Variants in SPIRE1 observed in about 807,000 individuals in gnomAD.
SPIRE1 encodes the protein protein spire homolog 1.
Under a neutral mutation model 94.1 loss-of-function variants are expected in SPIRE1, and 40 were observed. The ratio of observed to expected loss-of-function variants is 0.43; its 90% CI spans 0.33 to 0.55. SPIRE1 has a LOEUF of 0.55. SPIRE1 is among the 20% of genes least tolerant of loss of function. SPIRE1 has a pLI of 0.06. For missense variants in SPIRE1, 838 were observed against 975.2 expected, an observed-to-expected ratio of 0.86 and a Z score of 1.87; for synonymous variants, 376 against 371.7, an observed-to-expected ratio of 1.01 and a Z score of -0.13.
At position 12,535,729 on chromosome 18, in the gene SPIRE1, G is replaced by A. The variant is rs574377240; in HGVS notation, c.604-128C>T. 2.7e-5 allele frequency: 19 copies of A among 705,804 alleles called. 1 individual carries two copies. In the South Asian group the frequency reaches 3.0e-4, roughly 11 times the overall value. 43.7% of individuals were successfully genotyped at this position (705,804 alleles called of 1,614,324 possible). ...CCCAGCACTTTGGGAGGCCAACGCA[G>A]GCAGATCATGAGGTCGAGAGTTCAA... On this transcript the variant is annotated intron_variant, in intron 3 of 16. Transcript: ENST00000409402.
chr18:12,447,699 T>G lies in SPIRE1; in HGVS notation c.*1939A>C, dbSNP rs1355161414. 3 of 152,206 alleles carry G rather than the reference T, an allele frequency of 2.0e-5. No individual in the cohort carries two copies. The highest frequency in any genetic ancestry group is 4.4e-5 in the Non-Finnish European group (3 of 68,034). The allele number at this position is 152,206 out of a possible 1,614,324, so 9.4% of individuals were successfully genotyped here. A position where few individuals can be genotyped will look rare whatever the true frequency, so the allele number is the denominator to read the frequency against. On this transcript the variant is annotated 3_prime_UTR_variant, in exon 17 of 17. Transcript: ENST00000409402. ...CTATCATAAAGTGAAGTGAAAGACATGTACTAGATGTTTGCTTTGTGAATG... is the reference window on the plus strand; with the variant it reads ...CTATCATAAAGTGAAGTGAAAGACAGGTACTAGATGTTTGCTTTGTGAATG...
intron 1 of SPIRE1, among the ~76,000 whole-genome samples, chr18:12,648,642 C>G (rs1344034841): frequency 6.6e-6 from 1 of 152,040 alleles, no homozygotes; most frequent in Non-Finnish European, 1.5e-5. Flanking sequence ...GTAATCCCAG[C>G]ACTTTGGGAG....
In SPIRE1 at chr18:12,523,754, C is replaced by G. The variant is rs117135569; in HGVS notation, c.730-11223G>C. Reference sequence around the variant, plus strand: ...TGGAGTGCAAAATGGTGTAATCACACCACATGGCAGCCTTGACCTCCCAGG... The same window carrying G: ...TGGAGTGCAAAATGGTGTAATCACAGCACATGGCAGCCTTGACCTCCCAGG... On this transcript the variant is annotated intron_variant, in intron 4 of 16. Transcript: ENST00000409402. Among the ~76,000 whole-genome samples the G allele has an allele frequency of 3.7e-3, 567 of 152,206 alleles. 16 individuals are homozygous for G. The East Asian group carries it at 0.053, about 14-fold the overall frequency.
chr18:12,582,213 A>G (rs912379050), intron 2 of SPIRE1, among the ~76,000 whole-genome samples: 1 of 152,164 alleles, frequency 6.6e-6, no homozygotes, highest in Non-Finnish European at 1.5e-5. Context: ...TAGTTCAACC[A>G]CACATTCTAT....
intron 9 of SPIRE1, 128 bp downstream of exon 9, chr18:12,485,831 T>C (rs1307740926): frequency 2.9e-6 from 2 of 687,398 alleles, no homozygotes; most frequent in Non-Finnish European, 5.0e-6. Flanking sequence ...TTTATTTTAC[T>C]GACCACGGCT....
At chr18:12,655,868 C>T (rs141738482) in intron 1 of SPIRE1, among the ~76,000 whole-genome samples, 19 of 152,250 alleles carry the variant, frequency 1.2e-4, no homozygotes, top group African/African-American at 4.6e-4. Flanking sequence ...ACCATTTTTC[C>T]TCTGGAAATA....
intron 1 of SPIRE1, among the ~76,000 whole-genome samples, chr18:12,654,719 T>C (rs2038486184): frequency 6.6e-6 from 1 of 150,782 alleles, no homozygotes; most frequent in African/African-American, 2.4e-5. Flanking sequence ...GTCTCATGAA[T>C]ACAAACGTTC....
At chr18:12,546,157 T>C (rs2035160496) in intron 3 of SPIRE1, among the ~76,000 whole-genome samples, 1 of 151,738 alleles carries the variant, frequency 6.6e-6, no homozygotes, top group Admixed American at 6.6e-5. Context: ...GCCCAGCTAA[T>C]TTTTTGTATT....
chr18:12,546,806 G>T lies in SPIRE1; in HGVS notation c.471C>A (p.Ile157=). ...CTTCCACCGTGTTGGCCATGTGATC[G>T]ATAAGCTGCTCTAGGGGAGGGCTTA... ...RELSPPLEQL[I]DHMANTVEAD... is the part of the protein sequence containing the mutation. Residue 157 remains isoleucine, a synonymous_variant, in exon 3 of 17, where the codon ATC becomes ATA. Transcript: ENST00000409402. 6.2e-7 allele frequency: 1 copy of T among 1,613,924 alleles called. No homozygotes were observed. Among genetic ancestry groups the T allele is most frequent in the Non-Finnish European group, 8.5e-7 (1 of 1,179,974 alleles).
intron 2 of SPIRE1, among the ~76,000 whole-genome samples, chr18:12,561,675 G>T (rs1323915434): frequency 6.6e-6 from 1 of 152,102 alleles, no homozygotes; most frequent in African/African-American, 2.4e-5. Context: ...AGCTGTGTTT[G>T]TAAGTTCATA....
intron 2 of SPIRE1, among the ~76,000 whole-genome samples, chr18:12,578,621 T>TA (rs1413561420): frequency 6.6e-6 from 1 of 152,202 alleles, no homozygotes; most frequent in African/African-American, 2.4e-5. Flanking sequence ...TTGATTTTTT[T>TA]AAAAAACTGA....
chr18:12,620,486 A>C (rs576074087), intron 2 of SPIRE1, among the ~76,000 whole-genome samples: 1 of 152,226 alleles, frequency 6.6e-6, no homozygotes, highest in African/African-American at 2.4e-5. Context: ...CGGAACTGAC[A>C]GTGCAGAAAT....
intron 2 of SPIRE1, among the ~76,000 whole-genome samples, chr18:12,590,424 AG>A (rs747982347): frequency 3.3e-5 from 5 of 152,174 alleles, no homozygotes; most frequent in Non-Finnish European, 7.3e-5. Context: ...TATGTCCTGA[AG>A]TTCCCTTTCA....
rs2031053780 is a variant in SPIRE1, at chr18:12,448,462, G to C, written c.*1176C>G. 6.6e-6 allele frequency: 1 copy of C among 152,390 alleles called. No individual in the cohort carries two copies. Among genetic ancestry groups the C allele is most frequent in the Admixed American group, 6.5e-5 (1 of 15,274 alleles). 9.4% of individuals were successfully genotyped at this position (152,390 alleles called of 1,614,324 possible). A position where few individuals can be genotyped will look rare whatever the true frequency, so the allele number is the denominator to read the frequency against. ...AGCCCACGTATGAGCCAAACACACTGAGACATTTGAGGCATACAATGCTAC... is the reference window on the plus strand; with the variant it reads ...AGCCCACGTATGAGCCAAACACACTCAGACATTTGAGGCATACAATGCTAC... On this transcript the variant is annotated 3_prime_UTR_variant, in exon 17 of 17. Coordinates refer to ENST00000409402, the MANE Select transcript of SPIRE1 (RefSeq NM_001128626.2). This position sits in a 1 kb window ranked among gnomAD's most constrained non-coding sequence, Gnocchi z 4.4.
At chr18:12,627,860 G>T (rs748088908) in intron 2 of SPIRE1, among the ~76,000 whole-genome samples, 1 of 152,182 alleles carries the variant, frequency 6.6e-6, no homozygotes, top group African/African-American at 2.4e-5. Context: ...GTCTTCTTTT[G>T]AGAAGTGTCT....
chr18:12,643,664 C>T (rs2038143457), intron 1 of SPIRE1, among the ~76,000 whole-genome samples: 1 of 152,178 alleles, frequency 6.6e-6, no homozygotes, highest in South Asian at 2.1e-4. Flanking sequence ...TTTGGGAGAT[C>T]TGATTTAAAA....
chr18:12,453,585 T>A (rs2031352993), intron 13 of SPIRE1, among the ~76,000 whole-genome samples: 1 of 150,920 alleles, frequency 6.6e-6, no homozygotes, highest in Admixed American at 6.6e-5. Context: ...AGGCACCTGC[T>A]ACCAGGCCTG....
rs1261134181 is a variant in SPIRE1, at chr18:12,452,967, A to G, written c.1847+101T>C. The G allele has an allele frequency of 7.9e-6, 6 of 756,360 alleles. No homozygotes were observed. In the East Asian group the frequency reaches 1.6e-4, roughly 20 times the overall value. 46.9% of individuals were successfully genotyped at this position (756,360 alleles called of 1,614,324 possible). A position where few individuals can be genotyped will look rare whatever the true frequency, so the allele number is the denominator to read the frequency against. ...TAACGTAACAGAGTGAGTCATTTCT[A>G]ATTTTATTCCTGTTTAGAAAGATGG... is the stretch of plus-strand genomic sequence containing the variant. On this transcript the variant is annotated intron_variant, in intron 14 of 16. Coordinates refer to ENST00000409402, the MANE Select transcript of SPIRE1 (RefSeq NM_001128626.2).
At chr18:12,655,307 G>A (rs934366121) in intron 1 of SPIRE1, among the ~76,000 whole-genome samples, 1 of 151,456 alleles carries the variant, frequency 6.6e-6, no homozygotes, top group Non-Finnish European at 1.5e-5. Flanking sequence ...GGAAGGAATA[G>A]AATTTTTAAG....
Sources: allele counts gnomAD v4.1 joint callset (sites outside exome capture counted in the v4.1 genomes callset), GRCh38; gene constraint gnomAD v4.1.1; non-coding constraint Gnocchi (gnomAD v3.1); transcripts MANE v1.5; gene names NCBI Gene and HGNC (gene_info 2026-07-23, HGNC 2026-07-21).